The following GALNT2 variants were observed in gnomAD, a reference collection of about 807,000 sequenced individuals.
GALNT2 encodes the protein UDP-GalNAc:polypeptide N-acetylgalactosaminyltransferase 2.
GALNT2 carries 31 observed loss-of-function variants against 81.4 expected under a neutral mutation model. The ratio of observed to expected loss-of-function variants is 0.38; its 90% CI spans 0.29 to 0.51. The LOEUF (loss-of-function observed/expected upper bound fraction) is 0.51, where lower values mean the gene tolerates loss of function less well. Among genes scored for constraint, GALNT2 ranks in the 20% least tolerant of loss-of-function variants. GALNT2 has a pLI of 0.87. For missense variants in GALNT2, 629 were observed against 765.7 expected (o/e 0.82, Z 2.11); for synonymous variants, 303 against 287.4 (o/e 1.05, Z -0.55).
intron 1 of GALNT2, among the ~76,000 whole-genome samples, chr1:230,148,443 A>AAAGCC (rs1661990263): frequency 6.6e-6 from 1 of 152,252 alleles, no homozygotes; most frequent in Admixed American, 6.5e-5. Flanking sequence ...ACAGCCCTGG[A>AAAGCC]AAGCCCTCGT....
At chr1:230,162,835 G>A (rs1409322080) in intron 1 of GALNT2, among the ~76,000 whole-genome samples, 1 of 152,130 alleles carries the variant, frequency 6.6e-6, no homozygotes, top group African/African-American at 2.4e-5. Context: ...TTCCCCACTC[G>A]GTCTGTTGGC....
At chr1:230,067,177 C>T (rs1659214318), upstream of GALNT2, 2 of 608,174 alleles carry the variant, frequency 3.3e-6, no homozygotes, top group Admixed American at 5.2e-5. Context: ...CGCCGCCGCG[C>T]CCTTCCCCTT....
chr1:230,067,918 TC>T (rs1163494039), intron 1 of GALNT2, among the ~76,000 whole-genome samples: 1 of 152,146 alleles, frequency 6.6e-6, no homozygotes, highest in Non-Finnish European at 1.5e-5. Context: ...TCTGCCACCT[TC>T]TTTGCCCTTT....
intron 14 of GALNT2, among the ~76,000 whole-genome samples, chr1:230,273,459 C>T (rs935698327): frequency 6.6e-6 from 1 of 152,186 alleles, no homozygotes; most frequent in Non-Finnish European, 1.5e-5. Context: ...GGGTTTTAAA[C>T]TGGAAAGGGC....
intron 1 of GALNT2, among the ~76,000 whole-genome samples, chr1:230,120,270 C>T (rs1382980996): frequency 6.6e-6 from 1 of 152,160 alleles, no homozygotes; most frequent in East Asian, 1.9e-4. Flanking sequence ...CCAGCTTGCC[C>T]TGTCTTTTCT....
At chr1:230,154,704 A>C (rs1480291342) in intron 1 of GALNT2, among the ~76,000 whole-genome samples, 1 of 152,138 alleles carries the variant, frequency 6.6e-6, no homozygotes, top group Non-Finnish European at 1.5e-5. Flanking sequence ...CACCACCTCT[A>C]AGCCAAGGAG....
At chr1:230,076,504 T>C (rs1315387955) in intron 1 of GALNT2, among the ~76,000 whole-genome samples, 1 of 152,168 alleles carries the variant, frequency 6.6e-6, no homozygotes, top group Non-Finnish European at 1.5e-5. Flanking sequence ...GATGCCTGCC[T>C]GATACCCAGG....
At chr1:230,066,845 CA>C (rs1659194620), upstream of GALNT2, among the ~76,000 whole-genome samples, 1 of 151,888 alleles carries the variant, frequency 6.6e-6, no homozygotes. Context: ...CCGGGGCAGC[CA>C]CCTGTCACTC....
intron 3 of GALNT2, among the ~76,000 whole-genome samples, chr1:230,227,567 A>G (rs1462524012): frequency 6.6e-6 from 1 of 151,028 alleles, no homozygotes; most frequent in Non-Finnish European, 1.5e-5. Flanking sequence ...ACAGCCATAT[A>G]TATATATATA....
chr1:230,250,920 A>T (rs1476385318), intron 10 of GALNT2, among the ~76,000 whole-genome samples: 1 of 152,100 alleles, frequency 6.6e-6, no homozygotes, highest in East Asian at 1.9e-4. Context: ...TGGAAAATGA[A>T]CCCCGGCGAG....
intron 1 of GALNT2, among the ~76,000 whole-genome samples, chr1:230,153,398 G>A (rs1014816169): frequency 1.3e-5 from 2 of 152,134 alleles, no homozygotes; most frequent in African/African-American, 2.4e-5. Flanking sequence ...AGTCATTGAT[G>A]GGGGGTCAGC....
intron 1 of GALNT2, among the ~76,000 whole-genome samples, chr1:230,095,342 T>C (rs542217298): frequency 6.6e-6 from 1 of 152,094 alleles, no homozygotes; most frequent in Non-Finnish European, 1.5e-5. Flanking sequence ...TTATAGAAAC[T>C]CCATGAGGCG....
intron 1 of GALNT2, among the ~76,000 whole-genome samples, chr1:230,176,556 A>G (rs2102862959): frequency 6.6e-6 from 1 of 152,334 alleles, no homozygotes; most frequent in East Asian, 1.9e-4. Flanking sequence ...TGCGTAATTA[A>G]AAGTCTGCAG....
Position 230,236,643 on chromosome 1 carries a change from T to C in GALNT2, c.542-17T>C. ...GAACTCCAGGTTCAAAATGCTCTGC[T>C]TCTTTTCTTTTCCTAGCTGAGGACG... On this transcript the variant is annotated splice_polypyrimidine_tract_variant and intron_variant, in intron 5 of 15. Transcript: ENST00000366672. 4.4e-6 allele frequency: 7 copies of C among 1,607,208 alleles called. No individual in the cohort carries two copies. Among genetic ancestry groups the C allele is most frequent in the Non-Finnish European group, 5.1e-6 (6 of 1,178,136 alleles).
chr1:230,104,750 G>A (rs546403425), intron 1 of GALNT2, among the ~76,000 whole-genome samples: 2 of 152,348 alleles, frequency 1.3e-5, no homozygotes, highest in South Asian at 2.1e-4. Flanking sequence ...GATCTCAGTC[G>A]CAGAGGTGCT....
chr1:230,253,978 A>G (rs997935904), intron 10 of GALNT2, among the ~76,000 whole-genome samples: 43 of 152,312 alleles, frequency 2.8e-4, no homozygotes, highest in African/African-American at 4.6e-4. Flanking sequence ...CCAGAAAAAA[A>G]AAATGAAGTC....
At chr1:230,250,706 T>A in intron 10 of GALNT2, 146 bp downstream of exon 10, 1 of 565,596 alleles carries the variant, frequency 1.8e-6, no homozygotes, top group Non-Finnish European at 3.1e-6. Context: ...GTAACACCCC[T>A]TTTGCTCTTG....
intron 1 of GALNT2, among the ~76,000 whole-genome samples, chr1:230,104,573 C>G (rs1344364481): frequency 6.6e-6 from 1 of 152,188 alleles, no homozygotes; most frequent in African/African-American, 2.4e-5. Flanking sequence ...GTTGGAGCTG[C>G]TTCGTGATGG....
chr1:230,250,526 CATG>C lies in GALNT2; in HGVS notation c.982_984del (p.Met328del). On this transcript the variant is annotated inframe_deletion, in exon 10 of 16. Transcript: ENST00000366672. ...ATTTTGAAGAACTGGGGAAGTACGACATGATGATGGATGTGTGGGGAGGAGAGA... is the reference window on the plus strand; with the variant it reads ...ATTTTGAAGAACTGGGGAAGTACGACATGATGGATGTGTGGGGAGGAGAGA... 6.2e-7 allele frequency: 1 copy of C among 1,613,402 alleles called. No homozygotes were observed. Among genetic ancestry groups the C allele is most frequent in the Non-Finnish European group, 8.5e-7 (1 of 1,179,688 alleles).
Sources: gnomAD v4.1 joint callset for allele counts (sites outside exome capture counted in the v4.1 genomes callset) on GRCh38, gnomAD v4.1.1 for gene constraint, MANE v1.5 for transcripts, NCBI Gene and HGNC (gene_info 2026-07-23, HGNC 2026-07-21) for gene names.